The following SDK2 variants were observed in gnomAD, a reference collection of about 807,000 sequenced individuals.
SDK2 encodes the protein sidekick cell adhesion molecule 2, also known as protein sidekick-2.
SDK2 carries 105 observed loss-of-function variants against 253.9 expected under a neutral mutation model. That is an observed-to-expected ratio of 0.41 (90% CI 0.35 to 0.49). The LOEUF (loss-of-function observed/expected upper bound fraction) is 0.49, where lower values mean the gene tolerates loss of function less well. Among genes scored for constraint, SDK2 ranks in the 20% least tolerant of loss-of-function variants. The probability of loss-of-function intolerance (pLI) is 0.06; values close to 1 mark genes in which losing one functional copy is unlikely to be tolerated. For missense variants in SDK2, 2,608 were observed against 3,003.0 expected (o/e 0.87, Z 3.07); for synonymous variants, 1,249 against 1,234.9 (o/e 1.01, Z -0.24).
At position 73,509,638 on chromosome 17, in the gene SDK2, A is replaced by AAAG. The variant is rs1555594944; in HGVS notation, c.65-2042_65-2041insCTT. Among the ~76,000 whole-genome samples the AAAG allele has an allele frequency of 1.3e-3, 196 of 150,634 alleles. 1 individual carries two copies. Among genetic ancestry groups the AAAG allele is most frequent in the African/African-American group, 4.4e-3 (178 of 40,622 alleles). ...GACCCCCTCTTCACCAAAAAAAAAA[A>AAAG]AAAAAAAGAAGGAAAGTTGGGAGGC... is the stretch of plus-strand genomic sequence containing the variant. On this transcript the variant is annotated intron_variant, in intron 1 of 44. Transcript: ENST00000392650.
At chr17:73,416,828 A>G in intron 16 of SDK2, among the ~76,000 whole-genome samples, 1 of 150,350 alleles carries the variant, frequency 6.7e-6, no homozygotes, top group East Asian at 2.0e-4. Context: ...TGACCTCGTG[A>G]TCCACCTGCC....
chr17:73,433,477 G>A (rs2063343327), intron 10 of SDK2, among the ~76,000 whole-genome samples: 1 of 152,166 alleles, frequency 6.6e-6, no homozygotes, highest in African/African-American at 2.4e-5. Flanking sequence ...AGTAGAGACC[G>A]GGTTTCACCA....
At chr17:73,619,102 G>T (rs2046096291) in intron 1 of SDK2, among the ~76,000 whole-genome samples, 1 of 151,812 alleles carries the variant, frequency 6.6e-6, no homozygotes, top group South Asian at 2.1e-4. Flanking sequence ...GGGAAGTGGA[G>T]GTTGCAATGA....
intron 37 of SDK2, among the ~76,000 whole-genome samples, chr17:73,365,756 G>A (rs1163896514): frequency 2.6e-5 from 4 of 152,284 alleles, no homozygotes; most frequent in Middle Eastern, 6.8e-3. Context: ...CTGGCTTTGC[G>A]GGGTTCGTCT....
chr17:73,611,769 C>A (rs912828634), intron 1 of SDK2, among the ~76,000 whole-genome samples: 1 of 152,246 alleles, frequency 6.6e-6, no homozygotes, highest in East Asian at 1.9e-4. Context: ...TTGGGACCCA[C>A]GTCCTTGCCA....
intron 1 of SDK2, among the ~76,000 whole-genome samples, chr17:73,549,755 G>T (rs1351163159): frequency 6.6e-6 from 1 of 152,176 alleles, no homozygotes; most frequent in Non-Finnish European, 1.5e-5. Flanking sequence ...GGGGATGGGG[G>T]GCAGAGACAA....
rs957591176 is a variant in SDK2, at chr17:73,431,069, T to C, written c.1480+433A>G. 6.6e-6 allele frequency among the ~76,000 whole-genome samples: 1 copy of C among 152,192 alleles called. No homozygotes were observed. Among genetic ancestry groups the C allele is most frequent in the African/African-American group, 2.4e-5 (1 of 41,454 alleles). The stretch of plus-strand genomic sequence containing the variant: ...TGGCCTTTTTGGCTAAATAAACCCT[T>C]ACTGGAACATAGCCACGCCCATTGG... On this transcript the variant is annotated intron_variant, in intron 11 of 44. Transcript: ENST00000392650. This position sits in a 1 kb window ranked among gnomAD's most constrained non-coding sequence, Gnocchi z 5.6.
rs1016513072 is a variant in SDK2 at position 73,644,207 on chromosome 17, C to G, written c.-119G>C. ...AGGAAACAGTCAGTCTACGCGGCTC[C>G]GTGCCCCGGGGTGTAATATGCCCGG... On this transcript the variant is annotated 5_prime_UTR_variant, in exon 1 of 45. Coordinates refer to ENST00000392650, the MANE Select transcript of SDK2 (RefSeq NM_001144952.2). This position sits in a 1 kb window ranked among gnomAD's most constrained non-coding sequence, Gnocchi z 6.3. The G allele has an allele frequency of 9.7e-6, 8 of 825,128 alleles. No individual in the cohort carries two copies. The highest frequency in any genetic ancestry group is 1.4e-5 in the Non-Finnish European group (7 of 507,916). The allele number at this position is 825,128 out of a possible 1,614,324, so 51.1% of individuals were successfully genotyped here. A position where few individuals can be genotyped will look rare whatever the true frequency, so the allele number is the denominator to read the frequency against.
chr17:73,421,687 G>A lies in SDK2; in HGVS notation c.2045+600C>T, dbSNP rs537960045. On this transcript the variant is annotated intron_variant, in intron 15 of 44. Coordinates refer to ENST00000392650, the MANE Select transcript of SDK2 (RefSeq NM_001144952.2). ...AGGGATTCTTGTGCCTCAGCCTCCCGAGTAGCTGGGATTACAGGCGCCCAC... is the reference window on the plus strand; with the variant it reads ...AGGGATTCTTGTGCCTCAGCCTCCCAAGTAGCTGGGATTACAGGCGCCCAC... Among the ~76,000 whole-genome samples, 23 of 107,116 alleles carry A rather than the reference G, an allele frequency of 2.1e-4. 1 individual carries two copies. Among genetic ancestry groups the A allele is most frequent in the East Asian group, 1.3e-3 (6 of 4,558 alleles). 70.3% of individuals were successfully genotyped at this position (107,116 alleles called of 152,430 possible). A position where few individuals can be genotyped will look rare whatever the true frequency, so the allele number is the denominator to read the frequency against.
chr17:73,472,366 G>A, intron 2 of SDK2, 148 bp from the exon 3 acceptor site: 1 of 616,964 alleles, frequency 1.6e-6, no homozygotes, highest in South Asian at 1.9e-5. Flanking sequence ...CCATGTCATA[G>A]GATCACACAA....
At position 73,643,920 on chromosome 17, in the gene SDK2, G is replaced by T; in HGVS notation, c.64+105C>A. 9.8e-7 allele frequency: 1 copy of T among 1,016,186 alleles called. No individual in the cohort carries two copies. Among genetic ancestry groups the T allele is most frequent in the Non-Finnish European group, 1.5e-6 (1 of 675,016 alleles). The allele number at this position is 1,016,186 out of a possible 1,614,324, so 62.9% of individuals were successfully genotyped here. On this transcript the variant is annotated intron_variant, in intron 1 of 44. Coordinates refer to ENST00000392650, the MANE Select transcript of SDK2 (RefSeq NM_001144952.2). The surrounding 1 kb of genome is among the most constrained non-coding windows in gnomAD (Gnocchi z 6.9). ...CTGGAGAGGGCTCTGCCACGGCTAA[G>T]CCGGGTGTCCAGGAGGTCACCGTGA...
chr17:73,374,196 A>G lies in SDK2; in HGVS notation c.4980+4981T>C, dbSNP rs1420021500. ...CTTTATCTTTCCTTGTCTAATCTCT[A>G]GCTTTCAGTACCATCTATATGCCGA... On this transcript the variant is annotated intron_variant, in intron 36 of 44. Coordinates refer to ENST00000392650, the MANE Select transcript of SDK2 (RefSeq NM_001144952.2). Among the ~76,000 whole-genome samples the G allele has an allele frequency of 1.5e-4, 22 of 144,368 alleles. 4 individuals carry two copies. The highest frequency in any genetic ancestry group is 6.1e-4 in the African/African-American group (22 of 36,178). 94.7% of individuals were successfully genotyped at this position (144,368 alleles called of 152,430 possible). A position where few individuals can be genotyped will look rare whatever the true frequency, so the allele number is the denominator to read the frequency against.
rs2063532885 is a variant in SDK2, at chr17:73,457,259, C to G, written c.332-1206G>C. Reference sequence around the variant, plus strand: ...CCTTCCTTCCTTCCTTCCTTCCTTCCTTCCTTCCTTCCTTCCTTCCTTCCT... The same window carrying G: ...CCTTCCTTCCTTCCTTCCTTCCTTCGTTCCTTCCTTCCTTCCTTCCTTCCT... On this transcript the variant is annotated intron_variant, in intron 3 of 44. Transcript: ENST00000392650. Among the ~76,000 whole-genome samples, 3 of 61,202 alleles carry G rather than the reference C, an allele frequency of 4.9e-5. No individual in the cohort carries two copies. The East Asian group carries it at 3.7e-3, about 76-fold the overall frequency. 40.2% of individuals were successfully genotyped at this position (61,202 alleles called of 152,430 possible).
chr17:73,385,392 G>C (rs2062864061), intron 32 of SDK2, among the ~76,000 whole-genome samples: 1 of 152,194 alleles, frequency 6.6e-6, no homozygotes, highest in South Asian at 2.1e-4. Context: ...ATGATGACGG[G>C]CATAGGTCTC....
At position 73,361,172 on chromosome 17, in the gene SDK2, C is replaced by T. The variant is rs930948887; in HGVS notation, c.5467+512G>A. On this transcript the variant is annotated intron_variant, in intron 39 of 44. Transcript: ENST00000392650. The surrounding 1 kb of genome is among the most constrained non-coding windows in gnomAD (Gnocchi z 4.1). ...GGGGCTTTTGTCTAAGTGCAGACTG[C>T]CAGGTCCCACCTCAGCCCCAGGAAA... Among the ~76,000 whole-genome samples the T allele has an allele frequency of 3.4e-4, 51 of 152,042 alleles. No individual in the cohort carries two copies. Among genetic ancestry groups the T allele is most frequent in the Non-Finnish European group, 6.3e-4 (43 of 68,006 alleles).
At chr17:73,397,030 C>G (rs1430317849) in intron 24 of SDK2, among the ~76,000 whole-genome samples, 18 of 152,200 alleles carry the variant, frequency 1.2e-4, no homozygotes. Context: ...GCAATAATGA[C>G]TTCACAGTGT....
intron 18 of SDK2, among the ~76,000 whole-genome samples, chr17:73,405,875 A>T (rs1599533138): frequency 1.3e-5 from 2 of 149,892 alleles, no homozygotes. Context: ...GCCTGCCACC[A>T]CGCCCGGCTA....
At chr17:73,583,051 A>G (rs914219360) in intron 1 of SDK2, among the ~76,000 whole-genome samples, 2 of 152,112 alleles carry the variant, frequency 1.3e-5, no homozygotes, top group Non-Finnish European at 2.9e-5. Flanking sequence ...ACCAACTCCT[A>G]TGCATCCTTT....
intron 3 of SDK2, among the ~76,000 whole-genome samples, chr17:73,469,418 G>A (rs994582370): frequency 1.3e-5 from 2 of 152,204 alleles, no homozygotes; most frequent in African/African-American, 4.8e-5. Context: ...AGGTGTCAGG[G>A]TGTTAGGCAG....
Sources: allele counts gnomAD v4.1 joint callset (sites outside exome capture counted in the v4.1 genomes callset), GRCh38; gene constraint gnomAD v4.1.1; non-coding constraint Gnocchi (gnomAD v3.1); transcripts MANE v1.5; gene names NCBI Gene and HGNC (gene_info 2026-07-23, HGNC 2026-07-21).